Variants in DLGAP2 observed in about 807,000 individuals in gnomAD.
DLGAP2 encodes disks large-associated protein 2.
A neutral mutation model predicts 100.3 loss-of-function variants in DLGAP2; 26 were observed. The observed-to-expected ratio is 0.26, with a 90% CI of 0.19 to 0.36. The LOEUF (loss-of-function observed/expected upper bound fraction) is 0.36, where lower values mean the gene tolerates loss of function less well. Among genes scored for constraint, DLGAP2 ranks in the 10% least tolerant of loss-of-function variants. The probability of loss-of-function intolerance (pLI) is 1.00; values close to 1 mark genes in which losing one functional copy is unlikely to be tolerated. For missense variants in DLGAP2, 1,858 were observed against 1,453.2 expected (o/e 1.28, Z -4.53); for synonymous variants, 886 against 630.1 (o/e 1.41, Z -6.08).
At chr8:1,270,549 G>T (rs1394000403) in intron 3 of DLGAP2, among the ~76,000 whole-genome samples, 1 of 152,180 alleles carries the variant, frequency 6.6e-6, no homozygotes, top group African/African-American at 2.4e-5. Flanking sequence ...CAGGAAGCAG[G>T]CACCACTGTC....
chr8:990,016 C>A (rs1268349852), intron 2 of DLGAP2, among the ~76,000 whole-genome samples: 1 of 152,092 alleles, frequency 6.6e-6, no homozygotes, highest in Admixed American at 6.5e-5. Flanking sequence ...CCCAGCCAAC[C>A]TCCTGGACCA....
At chr8:1,392,401 G>A (rs545003625) in intron 3 of DLGAP2, among the ~76,000 whole-genome samples, 9 of 152,262 alleles carry the variant, frequency 5.9e-5, no homozygotes, top group African/African-American at 2.2e-4. Context: ...CGGCACTCGG[G>A]GAAAACCTGT....
At chr8:745,451 C>G (rs1202020346) in intron 1 of DLGAP2, among the ~76,000 whole-genome samples, 1 of 152,196 alleles carries the variant, frequency 6.6e-6, no homozygotes, top group Non-Finnish European at 1.5e-5. Context: ...TTTAAAGCAA[C>G]CAAACAGTAT....
At chr8:1,436,111 T>C (rs1408182897) in intron 3 of DLGAP2, among the ~76,000 whole-genome samples, 1 of 151,998 alleles carries the variant, frequency 6.6e-6, no homozygotes, top group Admixed American at 6.6e-5. Flanking sequence ...GGGAGTTTAT[T>C]GAGGAGAATT....
intron 1 of DLGAP2, among the ~76,000 whole-genome samples, chr8:808,756 G>A (rs1039263075): frequency 3.3e-5 from 5 of 152,208 alleles, no homozygotes; most frequent in African/African-American, 1.2e-4. Flanking sequence ...GCTTGTGGGA[G>A]GCACCCACCC....
intron 3 of DLGAP2, among the ~76,000 whole-genome samples, chr8:1,361,111 C>A (rs894187222): frequency 6.6e-6 from 1 of 152,188 alleles, no homozygotes; most frequent in African/African-American, 2.4e-5. Context: ...ATGGTGCAGA[C>A]GAGCTGAGAT....
chr8:1,420,719 C>G (rs1797066897), intron 3 of DLGAP2, among the ~76,000 whole-genome samples: 2 of 152,126 alleles, frequency 1.3e-5, no homozygotes, highest in Non-Finnish European at 2.9e-5. Flanking sequence ...TGCTGTTTCC[C>G]AAATCTATCA....
chr8:798,372 C>T (rs533070555), intron 1 of DLGAP2, among the ~76,000 whole-genome samples: 20 of 140,150 alleles, frequency 1.4e-4, no homozygotes, highest in South Asian at 7.0e-4. Flanking sequence ...CCCCGTGCCC[C>T]GGTGCTGGCC....
intron 2 of DLGAP2, among the ~76,000 whole-genome samples, chr8:1,232,646 C>A (rs575161017): frequency 6.6e-6 from 1 of 152,192 alleles, no homozygotes; most frequent in Non-Finnish European, 1.5e-5. Context: ...TTCATGTAGG[C>A]ATTTCATTTC....
intron 3 of DLGAP2, among the ~76,000 whole-genome samples, chr8:1,290,991 C>A (rs1465251876): frequency 6.6e-6 from 1 of 152,038 alleles, no homozygotes; most frequent in Non-Finnish European, 1.5e-5. Context: ...TCTAGTAGAC[C>A]AGCCCTACAA....
chr8:1,186,146 C>T (rs1359639795), intron 2 of DLGAP2, among the ~76,000 whole-genome samples: 3 of 152,170 alleles, frequency 2.0e-5, no homozygotes, highest in East Asian at 3.9e-4. Flanking sequence ...CCCTTGTCTG[C>T]GGGCAGAAGG....
At chr8:1,683,954 G>GTGTGTATATATATATATA (rs1450063590) in intron 12 of DLGAP2, among the ~76,000 whole-genome samples, 3 of 74,734 alleles carry the variant, frequency 4.0e-5, no homozygotes, top group Admixed American at 1.7e-4. Context: ...ATATATGTGT[G>GTGTGTATATATATATATA]TATATATATA....
intron 2 of DLGAP2, among the ~76,000 whole-genome samples, chr8:1,024,674 T>C (rs1415557913): frequency 6.6e-6 from 1 of 151,824 alleles, no homozygotes; most frequent in Non-Finnish European, 1.5e-5. Flanking sequence ...AGAGGAGGAG[T>C]GCGGTGGGTT....
intron 2 of DLGAP2, among the ~76,000 whole-genome samples, chr8:1,089,181 C>T (rs1804089144): frequency 6.6e-6 from 1 of 152,174 alleles, no homozygotes; most frequent in Non-Finnish European, 1.5e-5. Flanking sequence ...CTCTCCACCC[C>T]TCATCCAGCA....
chr8:1,475,741 A>G (rs1447403052), intron 3 of DLGAP2, among the ~76,000 whole-genome samples: 1 of 152,218 alleles, frequency 6.6e-6, no homozygotes, highest in Non-Finnish European at 1.5e-5. Flanking sequence ...GGGGAGCTCA[A>G]CAAAAGGCTT....
intron 2 of DLGAP2, among the ~76,000 whole-genome samples, chr8:1,149,234 C>A (rs1041713134): frequency 2.1e-4 from 32 of 152,168 alleles, no homozygotes; most frequent in African/African-American, 7.2e-4. Context: ...CAAGCTCCGC[C>A]TTCTGGGTTC....
intron 2 of DLGAP2, among the ~76,000 whole-genome samples, chr8:1,012,424 T>A (rs1336747881): frequency 2.0e-5 from 3 of 152,218 alleles, no homozygotes; most frequent in Non-Finnish European, 4.4e-5. Flanking sequence ...CGAGCGAGGA[T>A]CTCCAGTAGT....
At chr8:1,314,862 C>T (rs1027497586) in intron 3 of DLGAP2, among the ~76,000 whole-genome samples, 6 of 152,212 alleles carry the variant, frequency 3.9e-5, no homozygotes, top group African/African-American at 1.4e-4. Context: ...TCTGAATTTC[C>T]ATGGGTAAAT....
chr8:1,532,243 G>A (rs1383243870), intron 4 of DLGAP2, among the ~76,000 whole-genome samples: 2 of 152,108 alleles, frequency 1.3e-5, no homozygotes, highest in Non-Finnish European at 2.9e-5. Flanking sequence ...CATAACATGG[G>A]GGAGGTCCTG....
Sources: allele counts gnomAD v4.1 joint callset (sites outside exome capture counted in the v4.1 genomes callset), GRCh38; gene constraint gnomAD v4.1.1; transcripts MANE v1.5; gene names NCBI Gene and HGNC (gene_info 2026-07-23, HGNC 2026-07-21).